RHBDF1: variants seen among roughly 807,000 people sequenced by gnomAD.
RHBDF1 encodes rhomboid 5 homolog 1.
Under a neutral mutation model 98.6 loss-of-function variants are expected in RHBDF1, and 80 were observed. The ratio of observed to expected loss-of-function variants is 0.81; its 90% CI spans 0.68 to 0.98. The LOEUF is 0.98. RHBDF1 is among the 50% of genes least tolerant of loss of function. The pLI, the probability that RHBDF1 is intolerant of heterozygous loss-of-function variation, is 0.00. For synonymous variants in RHBDF1, 512 were observed against 486.8 expected (o/e 1.05, Z -0.68); for missense variants, 1,116 against 1,198.3 (o/e 0.93, Z 1.01).
At chr16:71,078 G>A (rs929874452) in intron 1 of RHBDF1, among the ~76,000 whole-genome samples, 4 of 152,252 alleles carry the variant, frequency 2.6e-5, no homozygotes, top group African/African-American at 7.2e-5. Flanking sequence ...CCTAGGGGAG[G>A]GCCTGATGGT....
chr16:61,754 C>T, intron 8 of RHBDF1, 44 bp downstream of exon 8: 1 of 1,612,216 alleles, frequency 6.2e-7, no homozygotes, highest in Non-Finnish European at 8.5e-7. Flanking sequence ...CCACCCTCCC[C>T]CGGGAGCCTC....
chr16:59,431 C>A lies in RHBDF1; in HGVS notation c.1881G>T (p.Thr627=), dbSNP rs775186560. ...TCTGCAGACCTACCTGAGAGCAGAG[C>A]GTGGCCTCCTCATGGAAGTAGCCCC... ...FMRGYFHEEA[T]LCSQVHCMDD... is the part of the protein sequence containing the mutation. The change falls in exon 15 of 18, where the codon ACG becomes ACT. Residue 627 remains threonine (T), a synonymous_variant. Coordinates refer to ENST00000262316, the MANE Select transcript of RHBDF1 (RefSeq NM_022450.5). The A allele has an allele frequency of 6.2e-7, 1 of 1,613,808 alleles. No individual in the cohort carries two copies. The highest frequency in any genetic ancestry group is 1.3e-5 in the African/African-American group (1 of 75,050).
upstream of RHBDF1, chr16:72,759 G>T: frequency 1.2e-6 from 1 of 861,696 alleles, no homozygotes; most frequent in East Asian, 1.5e-4. Flanking sequence ...AAGGCCGCCG[G>T]GCTCCCTTCT....
rs939471480 is a variant in RHBDF1 at position 62,806 on chromosome 16, G to A, written c.764C>T (p.Pro255Leu). Residue 255 changes from proline to leucine, a missense_variant, in exon 6 of 18, where the codon CCC becomes CTC. By Grantham distance (98) the Pro-to-Leu change is moderately conservative. Transcript: ENST00000262316. ...SFLEEDTTDFPDELDTSFFAR... is the reference protein window; with the variant it reads ...SFLEEDTTDFLDELDTSFFAR... ...AAAGAAGGATGTGTCCAGCTCATCG[G>A]GGAAATCAGTTGTGTCCTCCTCCAG... 2.5e-6 allele frequency: 4 copies of A among 1,614,070 alleles called. No individual in the cohort carries two copies. Among genetic ancestry groups the A allele is most frequent in the Non-Finnish European group, 3.4e-6 (4 of 1,180,026 alleles).
chr16:75,378 G>C (rs1266823943), upstream of RHBDF1, among the ~76,000 whole-genome samples: 1 of 152,214 alleles, frequency 6.6e-6, no homozygotes, highest in African/African-American at 2.4e-5. Flanking sequence ...AGAATCCTCA[G>C]CTCAGCTTCT....
rs906616008 is a variant in RHBDF1 at position 62,612 on chromosome 16, C to G, written c.879G>C (p.Glu293Asp). Residue 293 changes from glutamate to aspartate, a missense_variant, in exon 7 of 18, where the codon GAG (glutamate) becomes GAC (aspartate). Coordinates refer to ENST00000262316, the MANE Select transcript of RHBDF1 (RefSeq NM_022450.5). ...SPSEAALKDW[E>D]KAPEQADLTG... ...TGAGGTCCGCCTGCTCCGGTGCCTT[C>G]TCCCAGTCCTTTAGCGCTGCCTCCG... The G allele has an allele frequency of 6.2e-7, 1 of 1,613,836 alleles. No individual in the cohort carries two copies. Among genetic ancestry groups the G allele is most frequent in the African/African-American group, 1.3e-5 (1 of 74,954 alleles).
chr16:58,315 A>G lies in RHBDF1; in HGVS notation c.*25T>C. On this transcript the variant is annotated 3_prime_UTR_variant, in exon 18 of 18. Coordinates refer to ENST00000262316, the MANE Select transcript of RHBDF1 (RefSeq NM_022450.5). ...GTCTGGCTCTGGCCTGCTGGAGCAC[A>G]CGGCCGCTGGAGCCCGCAGCCAGCT... 2 of 1,595,086 alleles carry G rather than the reference A, an allele frequency of 1.3e-6. No homozygotes were observed. Among genetic ancestry groups the G allele is most frequent in the Non-Finnish European group, 1.7e-6 (2 of 1,169,714 alleles).
At chr16:73,899 A>C, upstream of RHBDF1, 1 of 980,730 alleles carries the variant, frequency 1.0e-6, no homozygotes. Context: ...ATTTGAACTA[A>C]AGGTGCTGGT....
chr16:65,883 C>T (rs958456543), intron 1 of RHBDF1, among the ~76,000 whole-genome samples: 4 of 152,262 alleles, frequency 2.6e-5, no homozygotes, highest in African/African-American at 7.2e-5. Flanking sequence ...AGCAGTGAGG[C>T]GGCTCGGTGC....
chr16:72,730 C>T (rs1898012094), upstream of RHBDF1: 1 of 979,790 alleles, frequency 1.0e-6, no homozygotes, highest in South Asian at 4.7e-5. Context: ...CCTGCCCGGC[C>T]CAAGTCACCT....
Position 64,905 on chromosome 16 carries a change from GA to G in RHBDF1, c.110del (p.Phe37SerfsTer5). ...CCTGCAGGCCAGGGCCTACCTGCAG[GA>G]AGCTGGGCTCTTCTGCCGTCAGGGG... ...AVPLTAEEPS[F>X]LQPLRRQAFL... is the part of the protein sequence containing the mutation. On this transcript the variant is annotated frameshift_variant, in exon 2 of 18. Transcript: ENST00000262316. LOFTEE classifies it high-confidence loss of function. The G allele has an allele frequency of 6.2e-7, 1 of 1,608,792 alleles. No individual in the cohort carries two copies. Among genetic ancestry groups the G allele is most frequent in the Non-Finnish European group, 8.5e-7 (1 of 1,176,316 alleles).
Position 61,933 on chromosome 16 carries a change from A to G in RHBDF1, c.1073T>C (p.Val358Ala), listed in dbSNP as rs534256998. The G allele has an allele frequency of 6.3e-7, 1 of 1,599,584 alleles. No homozygotes were observed. The highest frequency in any genetic ancestry group is 1.1e-5 in the South Asian group (1 of 90,952). Residue 358 changes from valine (V) to alanine (A), a missense_variant, in exon 8 of 18, where the codon GTG becomes GCG. By Grantham distance (64) the Val-to-Ala change is moderately conservative. Transcript: ENST00000262316. The stretch of plus-strand genomic sequence containing the variant: ...CCGGGCGAAGAGCTTGCGCACCGGC[A>G]CCGCGATACGCTGGCCCCGTCGCGG... ...AGPRRGQRIA[V>A]PVRKLFAREK...
In RHBDF1 at chr16:58,412, A is replaced by C. The variant is rs1279049743; in HGVS notation, c.2496T>G (p.Cys832Trp). Residue 832 changes from cysteine (C) to tryptophan (W), a missense_variant, in exon 18 of 18, where the codon TGT becomes TGG. Physicochemically the swap from Cys to Trp is radical, Grantham distance 215 (BLOSUM62 -2). Coordinates refer to ENST00000262316, the MANE Select transcript of RHBDF1 (RefSeq NM_022450.5). Reference sequence around the variant, plus strand: ...TGAAGGGGATGCAGGTGAGGAACTCACACCACTCACAGCGGACAGGATAGA... The same window carrying C: ...TGAAGGGGATGCAGGTGAGGAACTCCCACCACTCACAGCGGACAGGATAGA... ...FYVYPVRCEWCEFLTCIPFTD... is the reference protein window; with the variant it reads ...FYVYPVRCEWWEFLTCIPFTD... 1 of 1,613,976 alleles carries C rather than the reference A, an allele frequency of 6.2e-7. No individual in the cohort carries two copies. The highest frequency in any genetic ancestry group is 1.1e-5 in the South Asian group (1 of 91,084).
intron 7 of RHBDF1, 110 bp downstream of exon 7, chr16:62,428 T>C: frequency 7.0e-7 from 1 of 1,419,160 alleles, no homozygotes; most frequent in Non-Finnish European, 9.6e-7. Context: ...TCCCAGTCCC[T>C]GAGGCTACCC....
chr16:63,188 G>C lies in RHBDF1; in HGVS notation c.463-6C>G, dbSNP rs547322201. 1.2e-5 allele frequency: 19 copies of C among 1,559,948 alleles called. No individual in the cohort carries two copies. The South Asian group carries it at 2.1e-4, about 17-fold the overall frequency. On this transcript the variant is annotated splice_region_variant and splice_polypyrimidine_tract_variant and intron_variant, in intron 4 of 17. Transcript: ENST00000262316. ...CGGGCCAGGGGGTCTATGATCTGGAGGAGGGGAGGAGATGCTGGAGTCAGG... is the reference window on the plus strand; with the variant it reads ...CGGGCCAGGGGGTCTATGATCTGGACGAGGGGAGGAGATGCTGGAGTCAGG...
chr16:64,507 G>A, intron 3 of RHBDF1, 192 bp downstream of exon 3: 2 of 1,537,330 alleles, frequency 1.3e-6, no homozygotes, highest in Admixed American at 3.9e-5. Flanking sequence ...AGAGAAGGGA[G>A]TGGAGCAGGG....
At chr16:71,865 C>T (rs577705885) in intron 1 of RHBDF1, among the ~76,000 whole-genome samples, 1 of 152,374 alleles carries the variant, frequency 6.6e-6, no homozygotes, top group East Asian at 1.9e-4. Flanking sequence ...GGCCTGTCCC[C>T]GTTGGCCTCT....
chr16:61,538 T>G, intron 9 of RHBDF1, 47 bp downstream of exon 9: 1 of 1,610,074 alleles, frequency 6.2e-7, no homozygotes, highest in South Asian at 1.1e-5. Context: ...GGGGGTCCAG[T>G]GCCCGGACTC....
intron 15 of RHBDF1, 32 bp downstream of exon 15, chr16:59,387 G>A (rs1186700895): frequency 2.5e-6 from 4 of 1,612,388 alleles, no homozygotes; most frequent in Non-Finnish European, 2.5e-6. Flanking sequence ...AGTAGCTGGG[G>A]GAGGGGAACG....
Sources: gnomAD v4.1 joint callset for allele counts (sites outside exome capture counted in the v4.1 genomes callset) on GRCh38, gnomAD v4.1.1 for gene constraint, MANE v1.5 for transcripts, NCBI Gene and HGNC (gene_info 2026-07-23, HGNC 2026-07-21) for gene names.